The following ALCAM variants were observed in gnomAD, a reference collection of about 807,000 sequenced individuals.
The protein encoded by ALCAM is CD166 antigen.
A neutral mutation model predicts 70.9 loss-of-function variants in ALCAM; 30 were observed. The observed-to-expected ratio is 0.42, with a 90% confidence interval of 0.32 to 0.57. The LOEUF (loss-of-function observed/expected upper bound fraction) is 0.57. ALCAM is among the 20% of genes least tolerant of loss of function. ALCAM has a pLI of 0.11. For synonymous variants in ALCAM, 249 were observed against 242.5 expected (o/e 1.03, Z -0.25); for missense variants, 591 against 695.1 (o/e 0.85, Z 1.68).
intron 1 of ALCAM, among the ~76,000 whole-genome samples, chr3:105,368,223 A>AAGAGAGAGAGAG (rs5851454): frequency 0.046 from 3,131 of 67,718 alleles, 294 homozygotes; most frequent in East Asian, 0.09. Flanking sequence ...TGAGTCTTGG[A>AAGAGAGAGAGAG]AGAGAGAGAG....
rs993531659 is a variant in ALCAM, at chr3:105,367,111, TC to T, written c.-296del. 2 of 397,046 alleles carry T rather than the reference TC, an allele frequency of 5.0e-6. No individual in the cohort carries two copies. Among genetic ancestry groups the T allele is most frequent in the Admixed American group, 7.9e-5 (2 of 25,368 alleles). The allele number at this position is 397,046 out of a possible 1,614,324, so 24.6% of individuals were successfully genotyped here. A position where few individuals can be genotyped will look rare whatever the true frequency, so the allele number is the denominator to read the frequency against. ...CAGCGAAAAGAACCGCTTACACCTT[TC>T]CGAATTACTCAAGTGTCTCCTGGAA... On this transcript the variant is annotated 5_prime_UTR_variant, in exon 1 of 16. Transcript: ENST00000306107.
intron 14 of ALCAM, chr3:105,552,871 G>A (rs911462045): frequency 2.9e-5 from 34 of 1,182,686 alleles, no homozygotes; most frequent in African/African-American, 2.4e-4. Context: ...TTTTTAAAGC[G>A]TATACTTCCT....
chr3:105,518,294 G>A (rs902362993), intron 1 of ALCAM, among the ~76,000 whole-genome samples: 3 of 152,044 alleles, frequency 2.0e-5, no homozygotes, highest in African/African-American at 4.8e-5. Flanking sequence ...TATAGAGATG[G>A]ATCCTCTCAA....
At chr3:105,471,678 A>G (rs974820437) in intron 1 of ALCAM, among the ~76,000 whole-genome samples, 1 of 151,368 alleles carries the variant, frequency 6.6e-6, no homozygotes, top group Non-Finnish European at 1.5e-5. Context: ...TTTTAAATTG[A>G]CATAAAATCA....
intron 1 of ALCAM, among the ~76,000 whole-genome samples, chr3:105,501,637 A>G (rs1938924741): frequency 6.6e-6 from 1 of 152,172 alleles, no homozygotes; most frequent in East Asian, 1.9e-4. Context: ...TATTACTTTA[A>G]TTTTGAAATG....
rs560772527 is a variant in ALCAM at position 105,550,331 on chromosome 3, A to T, written c.1507+72A>T. Reference sequence around the variant, plus strand: ...TATTCTTCATTAGTTTAAAATCTTCAATTCCATCTTCCTGTACTGCATTAT... The same window carrying T: ...TATTCTTCATTAGTTTAAAATCTTCTATTCCATCTTCCTGTACTGCATTAT... On this transcript the variant is annotated intron_variant, in intron 12 of 15. Coordinates refer to ENST00000306107, the MANE Select transcript of ALCAM (RefSeq NM_001627.4). 4.9e-6 allele frequency: 7 copies of T among 1,427,936 alleles called. No homozygotes were observed. The East Asian group carries it at 7.0e-5, about 14-fold the overall frequency. The allele number at this position is 1,427,936 out of a possible 1,614,324, so 88.5% of individuals were successfully genotyped here. A position where few individuals can be genotyped will look rare whatever the true frequency, so the allele number is the denominator to read the frequency against.
chr3:105,494,835 T>G (rs778965565), intron 1 of ALCAM, among the ~76,000 whole-genome samples: 6 of 151,996 alleles, frequency 3.9e-5, no homozygotes, highest in Non-Finnish European at 7.4e-5. Flanking sequence ...AATCTTTTCG[T>G]TTTTTTGTAG....
intron 2 of ALCAM, among the ~76,000 whole-genome samples, chr3:105,521,030 G>A (rs1168968127): frequency 2.6e-5 from 4 of 152,062 alleles, no homozygotes; most frequent in Non-Finnish European, 4.4e-5. Flanking sequence ...GGCCGGGCGC[G>A]GTGGCTCACG....
intron 1 of ALCAM, among the ~76,000 whole-genome samples, chr3:105,469,083 G>T (rs1937840321): frequency 1.3e-5 from 2 of 151,224 alleles, no homozygotes; most frequent in Admixed American, 6.6e-5. Context: ...TTCTTCATAT[G>T]TGTATCAATT....
At chr3:105,566,004 T>C (rs1940734348) in intron 14 of ALCAM, among the ~76,000 whole-genome samples, 1 of 152,246 alleles carries the variant, frequency 6.6e-6, no homozygotes, top group Admixed American at 6.5e-5. Flanking sequence ...GCCTGGATTG[T>C]CATCAAGTGC....
chr3:105,553,023 T>G (rs1940445734), intron 14 of ALCAM: 1 of 1,004,384 alleles, frequency 1.0e-6, no homozygotes, highest in African/African-American at 1.7e-5. Flanking sequence ...TAGGAATATC[T>G]TATTGTTATT....
intron 1 of ALCAM, among the ~76,000 whole-genome samples, chr3:105,401,284 G>A (rs1028799522): frequency 3.3e-5 from 5 of 152,158 alleles, no homozygotes; most frequent in Admixed American, 2.0e-4. Flanking sequence ...TGTAATTTAC[G>A]TCTAGTATTT....
intron 7 of ALCAM, among the ~76,000 whole-genome samples, chr3:105,541,047 A>T (rs2152629120): frequency 6.6e-6 from 1 of 152,086 alleles, no homozygotes; most frequent in Middle Eastern, 3.4e-3. Context: ...CCTGCTGAAT[A>T]TCTTTCTTTG....
intron 1 of ALCAM, among the ~76,000 whole-genome samples, chr3:105,514,976 C>T (rs1939342528): frequency 6.6e-6 from 1 of 151,854 alleles, no homozygotes; most frequent in Admixed American, 6.6e-5. Flanking sequence ...CACAAAATGA[C>T]ATTAGATTTC....
intron 1 of ALCAM, among the ~76,000 whole-genome samples, chr3:105,452,098 TG>T (rs771294009): frequency 4.8e-4 from 72 of 149,824 alleles, no homozygotes; most frequent in Admixed American, 1.9e-3. Flanking sequence ...TTTCATTTTT[TG>T]GTTTTTTTTT....
At chr3:105,533,721 C>T (rs763604825) in intron 5 of ALCAM, 31 bp downstream of exon 5, 2 of 1,578,244 alleles carry the variant, frequency 1.3e-6, no homozygotes, top group Admixed American at 1.7e-5. Flanking sequence ...ACAGGGAGTA[C>T]ATTCAGAGGA....
intron 5 of ALCAM, 55 bp from the exon 6 acceptor site, chr3:105,534,608 G>A: frequency 6.5e-7 from 1 of 1,537,418 alleles, no homozygotes; most frequent in Non-Finnish European, 9.0e-7. Flanking sequence ...GTTTCGTTAA[G>A]GATTGTGATT....
intron 1 of ALCAM, among the ~76,000 whole-genome samples, chr3:105,457,184 A>C (rs1263797455): frequency 3.3e-5 from 5 of 152,200 alleles, no homozygotes; most frequent in Admixed American, 3.3e-4. Context: ...GTTTGCCAAG[A>C]ATAATGGCCT....
Position 105,533,628 on chromosome 3 carries a change from G to A in ALCAM, c.485G>A (p.Ser162Asn). Reference sequence around the variant, plus strand: ...TTGGGTGACTGCATTTCAGAAGACAGTTATCCAGATGGCAATATCACATGG... The same window carrying A: ...TTGGGTGACTGCATTTCAGAAGACAATTATCCAGATGGCAATATCACATGG... ...KKLGDCISED[S>N]YPDGNITWYR... is the part of the protein sequence containing the mutation. The change falls in exon 5 of 16, where the codon AGT (serine) becomes AAT (asparagine). Residue 162 changes from serine (S) to asparagine (N), a missense_variant. Coordinates refer to ENST00000306107, the MANE Select transcript of ALCAM (RefSeq NM_001627.4). The A allele has an allele frequency of 6.2e-7, 1 of 1,611,978 alleles. No individual in the cohort carries two copies. Among genetic ancestry groups the A allele is most frequent in the African/African-American group, 1.3e-5 (1 of 74,922 alleles).
Sources: allele counts gnomAD v4.1 joint callset (sites outside exome capture counted in the v4.1 genomes callset), GRCh38; gene constraint gnomAD v4.1.1; transcripts MANE v1.5; gene names NCBI Gene and HGNC (gene_info 2026-07-23, HGNC 2026-07-21).